The following CCDC178 variants were observed in gnomAD, a reference collection of about 807,000 sequenced individuals.
CCDC178 encodes coiled-coil domain containing 178.
CCDC178 carries 126 observed loss-of-function variants against 117.4 expected under a neutral mutation model. That is an observed-to-expected ratio of 1.07 (90% CI 0.93 to 1.24). The LOEUF (loss-of-function observed/expected upper bound fraction) is 1.24. Among genes scored for constraint, CCDC178 ranks in the 50% most tolerant of loss-of-function variants. CCDC178 has a pLI of 0.00. For missense variants in CCDC178, 1,030 were observed against 986.9 expected, an observed-to-expected ratio of 1.04 and a Z score of -0.59; for synonymous variants, 283 against 313.4, an observed-to-expected ratio of 0.90 and a Z score of 1.02.
intron 21 of CCDC178, among the ~76,000 whole-genome samples, chr18:32,999,908 T>C (rs1055222053): frequency 2.6e-5 from 4 of 152,048 alleles, no homozygotes; most frequent in African/African-American, 9.7e-5. Context: ...ATACTGCAAC[T>C]GTTGAAATAA....
At chr18:33,358,062 G>A (rs2063080277) in intron 6 of CCDC178, among the ~76,000 whole-genome samples, 1 of 151,930 alleles carries the variant, frequency 6.6e-6, no homozygotes, top group Non-Finnish European at 1.5e-5. Context: ...TGCACAGTGT[G>A]TTACCATACT....
intron 12 of CCDC178, among the ~76,000 whole-genome samples, chr18:33,273,564 C>T (rs745820733): frequency 1.5e-4 from 22 of 151,594 alleles, no homozygotes; most frequent in Admixed American, 7.9e-4. Context: ...TTAACCCATA[C>T]TACATTAATT....
chr18:33,094,459 C>T (rs1224228595), intron 20 of CCDC178, among the ~76,000 whole-genome samples: 3 of 151,810 alleles, frequency 2.0e-5, no homozygotes, highest in East Asian at 1.9e-4. Context: ...AAGGAATAGG[C>T]ATCATTTTGA....
At chr18:33,034,865 A>C (rs182088953) in intron 21 of CCDC178, among the ~76,000 whole-genome samples, 2 of 152,140 alleles carry the variant, frequency 1.3e-5, no homozygotes, top group Admixed American at 6.6e-5. Flanking sequence ...TGATATTACT[A>C]TCTGTACATT....
chr18:33,192,375 T>C (rs985474034), intron 20 of CCDC178, among the ~76,000 whole-genome samples: 40 of 152,308 alleles, frequency 2.6e-4, no homozygotes, highest in African/African-American at 9.4e-4. Flanking sequence ...TAAACTGAAT[T>C]TTCTCAGCAC....
intron 20 of CCDC178, among the ~76,000 whole-genome samples, chr18:33,170,635 A>T (rs1327222900): frequency 6.6e-6 from 1 of 152,170 alleles, no homozygotes; most frequent in Non-Finnish European, 1.5e-5. Flanking sequence ...AAATAATTAC[A>T]TGTTAAAATT....
intron 2 of CCDC178, among the ~76,000 whole-genome samples, chr18:33,433,036 C>T (rs2064242635): frequency 6.6e-6 from 1 of 152,158 alleles, no homozygotes; most frequent in Admixed American, 6.5e-5. Flanking sequence ...TTAACACTCA[C>T]CAAGTTCTGT....
chr18:33,174,811 CCTT>C (rs1464011837), intron 20 of CCDC178, among the ~76,000 whole-genome samples: 6 of 151,860 alleles, frequency 4.0e-5, no homozygotes, highest in African/African-American at 9.7e-5. Context: ...CCTTATCTCT[CCTT>C]CTTTTTTCTT....
intron 12 of CCDC178, among the ~76,000 whole-genome samples, chr18:33,287,728 C>A (rs1392466976): frequency 2.6e-5 from 4 of 151,988 alleles, no homozygotes; most frequent in Non-Finnish European, 5.9e-5. Flanking sequence ...GCAGTGAGCC[C>A]AGATCATGCC....
chr18:33,001,520 G>T (rs984984710), intron 21 of CCDC178, among the ~76,000 whole-genome samples: 4 of 151,554 alleles, frequency 2.6e-5, no homozygotes, highest in African/African-American at 4.8e-5. Context: ...CTCAAAAAAA[G>T]AAAAATAAAT....
intron 5 of CCDC178, among the ~76,000 whole-genome samples, chr18:33,386,178 A>G (rs1481528791): frequency 6.6e-6 from 1 of 152,138 alleles, no homozygotes; most frequent in Non-Finnish European, 1.5e-5. Context: ...CCCTAAATAG[A>G]CCAATAACAA....
chr18:33,388,683 C>T (rs1184799305), intron 5 of CCDC178, among the ~76,000 whole-genome samples: 2 of 150,074 alleles, frequency 1.3e-5, no homozygotes, highest in African/African-American at 4.9e-5. Context: ...CTACGCCCGG[C>T]TAATTTTTTG....
At chr18:33,081,553 T>A (rs2057298145) in intron 21 of CCDC178, among the ~76,000 whole-genome samples, 1 of 152,244 alleles carries the variant, frequency 6.6e-6, no homozygotes. Context: ...TATTCTTTTC[T>A]GCTTTTACAG....
intron 3 of CCDC178, among the ~76,000 whole-genome samples, chr18:33,400,662 T>A (rs1383779807): frequency 6.6e-6 from 1 of 152,190 alleles, no homozygotes; most frequent in Non-Finnish European, 1.5e-5. Context: ...AAGCTTTTGT[T>A]TAAGGGAATG....
chr18:32,955,318 T>C (rs1180094840), intron 22 of CCDC178, among the ~76,000 whole-genome samples: 1 of 152,200 alleles, frequency 6.6e-6, no homozygotes, highest in Non-Finnish European at 1.5e-5. Context: ...TAAAGCCCAA[T>C]TGTACTCCTA....
chr18:33,319,855 T>G (rs2062478730), intron 11 of CCDC178, among the ~76,000 whole-genome samples: 1 of 152,214 alleles, frequency 6.6e-6, no homozygotes, highest in Non-Finnish European at 1.5e-5. Flanking sequence ...AAGTGTCTGT[T>G]CATATCCTTT....
intron 22 of CCDC178, among the ~76,000 whole-genome samples, chr18:32,940,890 T>C (rs2054223705): frequency 6.6e-6 from 1 of 151,846 alleles, no homozygotes; most frequent in Non-Finnish European, 1.5e-5. Flanking sequence ...ATGTGGGAAA[T>C]GATTTTCTGG....
chr18:33,395,637 A>C (rs1412905377), intron 4 of CCDC178, among the ~76,000 whole-genome samples: 3 of 152,126 alleles, frequency 2.0e-5, no homozygotes, highest in Non-Finnish European at 4.4e-5. Flanking sequence ...AATTTGTTTT[A>C]AGTTTGTGCC....
At chr18:32,975,159 C>T (rs1353950507) in intron 21 of CCDC178, among the ~76,000 whole-genome samples, 1 of 152,128 alleles carries the variant, frequency 6.6e-6, no homozygotes, top group Non-Finnish European at 1.5e-5. Flanking sequence ...CTTACCATTG[C>T]TTGGCAATGT....
Sources: gnomAD v4.1 joint callset for allele counts (sites outside exome capture counted in the v4.1 genomes callset) on GRCh38, gnomAD v4.1.1 for gene constraint, MANE v1.5 for transcripts, NCBI Gene and HGNC (gene_info 2026-07-23, HGNC 2026-07-21) for gene names.